Variants in DUS1L observed in about 807,000 individuals in gnomAD.
DUS1L encodes the protein tRNA-dihydrouridine(16/17) synthase [NAD(P)(+)]-like.
A neutral mutation model predicts 61.2 loss-of-function variants in DUS1L; 56 were observed. The observed-to-expected ratio is 0.92, with a 90% CI of 0.74 to 1.14. DUS1L has a LOEUF of 1.14. Ranked by LOEUF, DUS1L falls within the 50% of genes most tolerant of loss-of-function variation. The pLI is 0.00. For missense variants in DUS1L, 630 were observed against 632.4 expected (o/e 1.00, Z 0.04); for synonymous variants, 278 against 259.5 (o/e 1.07, Z -0.69).
At position 82,062,846 on chromosome 17, in the gene DUS1L, G is replaced by T; in HGVS notation, c.510+15C>A. On this transcript the variant is annotated intron_variant, in intron 5 of 13. Transcript: ENST00000306796. The stretch of plus-strand genomic sequence containing the variant: ...CAGCTGAGGCCCATGACACCCCCGC[G>T]AGCCCAGGGCTCACCTGGCAGCCGG... 1 of 1,607,634 alleles carries T rather than the reference G, an allele frequency of 6.2e-7. No individual in the cohort carries two copies.
intron 2 of DUS1L, among the ~76,000 whole-genome samples, chr17:82,064,606 G>A (rs533998741): frequency 6.6e-6 from 1 of 152,326 alleles, no homozygotes; most frequent in Non-Finnish European, 1.5e-5. Flanking sequence ...TTGGATTCTG[G>A]CAGGTGCACC....
At chr17:82,062,302 G>A (rs1354037439) in intron 5 of DUS1L, among the ~76,000 whole-genome samples, 3 of 152,226 alleles carry the variant, frequency 2.0e-5, no homozygotes, top group Non-Finnish European at 4.4e-5. Flanking sequence ...GGCCAAAGGT[G>A]TGGGAGGGAC....
Position 82,057,516 on chromosome 17 carries a change from G to C in DUS1L, c.*599C>G, listed in dbSNP as rs1412525319. ...GCCGTGCAGGCTCTGGTCACCCCTGGGTGGCCTTGGGTTCCTGAGGGCTGT... is the reference window on the plus strand; with the variant it reads ...GCCGTGCAGGCTCTGGTCACCCCTGCGTGGCCTTGGGTTCCTGAGGGCTGT... On this transcript the variant is annotated 3_prime_UTR_variant, in exon 14 of 14. Coordinates refer to ENST00000306796, the MANE Select transcript of DUS1L (RefSeq NM_022156.5). The C allele has an allele frequency of 5.6e-6, 2 of 356,062 alleles. No homozygotes were observed. Among genetic ancestry groups the C allele is most frequent in the Admixed American group, 8.2e-5 (2 of 24,372 alleles). The allele number at this position is 356,062 out of a possible 1,614,324, so 22.1% of individuals were successfully genotyped here.
chr17:82,063,486 C>G lies in DUS1L; in HGVS notation c.379G>C (p.Asp127His), dbSNP rs1434826629. Reference protein sequence around the residue: ...HYGAFLQDEWDLLQRMILLAH... With the variant: ...HYGAFLQDEWHLLQRMILLAH... ...AACTCACTCATTCTTTGGAGCAGGT[C>G]CCACTCGTCCTGCAGAAAGGCGCCA... The change falls in exon 4 of 14, where the codon GAC becomes CAC. Residue 127 changes from aspartate (D) to histidine (H), a missense_variant. Physicochemically the swap from Asp to His is moderately conservative, Grantham distance 81. Coordinates refer to ENST00000306796, the MANE Select transcript of DUS1L (RefSeq NM_022156.5). 1.2e-5 allele frequency: 20 copies of G among 1,613,636 alleles called. No homozygotes were observed. The highest frequency in any genetic ancestry group is 1.3e-5 in the African/African-American group (1 of 74,934).
rs748105874 is a variant in DUS1L, at chr17:82,062,890, C to T, written c.481G>A (p.Ala161Thr). 4.3e-6 allele frequency: 7 copies of T among 1,612,770 alleles called. No homozygotes were observed. The highest frequency in any genetic ancestry group is 1.1e-5 in the South Asian group (1 of 91,084). ...CAGCCGGCCTTCTCCAGCATCTGGG[C>T]GTACCTCACGGTCTTGTCAATCTCC... ...FPEIDKTVRY[A>T]QMLEKAGCQL... The change falls in exon 5 of 14, where the codon GCC becomes ACC. Residue 161 changes from alanine to threonine, a missense_variant. Ala to Thr is a moderately conservative substitution (Grantham distance 58). Coordinates refer to ENST00000306796, the MANE Select transcript of DUS1L (RefSeq NM_022156.5).
At chr17:82,060,292 A>G in intron 10 of DUS1L, 199 bp from the exon 11 acceptor site, 1 of 681,676 alleles carries the variant, frequency 1.5e-6, no homozygotes, top group Non-Finnish European at 2.4e-6. Flanking sequence ...TGGAGTCCGC[A>G]GCTCGGGCAG....
intron 11 of DUS1L, chr17:82,059,359 G>A (rs2033329040): frequency 5.8e-6 from 1 of 171,804 alleles, no homozygotes; most frequent in South Asian, 1.5e-4. Flanking sequence ...GGTTACATGG[G>A]AAGGTTTCAG....
chr17:82,058,756 T>G, intron 12 of DUS1L, 25 bp downstream of exon 12: 1 of 1,613,160 alleles, frequency 6.2e-7, no homozygotes, highest in Non-Finnish European at 8.5e-7. Context: ...GAAGCCTTGG[T>G]GGCTTGCAGC....
Position 82,058,238 on chromosome 17 carries a change from A to G in DUS1L, c.1299T>C (p.Phe433=), listed in dbSNP as rs894630742. The G allele has an allele frequency of 6.3e-7, 1 of 1,583,746 alleles. No homozygotes were observed. Among genetic ancestry groups the G allele is most frequent in the East Asian group, 2.3e-5 (1 of 43,686 alleles). Residue 433 remains phenylalanine, a synonymous_variant, in exon 14 of 14, where the codon TTT becomes TTC. Transcript: ENST00000306796. ...TADCPGHGLL[F]KTKLEKSLAW... ...CCAGAGACTTCTCCAATTTGGTTTT[A>G]AAAAGCAATCCGTGACCTGGCAGAG...
Position 82,059,968 on chromosome 17 carries a change from G to A in DUS1L, c.1148C>T (p.Thr383Ile), listed in dbSNP as rs2033394140. The part of the protein sequence containing the change: ...QKKQLRNPHK[T>I]FDPSLKPKYA... ...CTTACGCTTCAGAGAGGGGTCGAAG[G>A]TCTTGTGGGGGTTCCTCAGCTGCTT... The change falls in exon 11 of 14, where the codon ACC (threonine) becomes ATC (isoleucine). Residue 383 changes from threonine (T) to isoleucine (I), a missense_variant. Coordinates refer to ENST00000306796, the MANE Select transcript of DUS1L (RefSeq NM_022156.5). 1.2e-6 allele frequency: 2 copies of A among 1,613,994 alleles called. No individual in the cohort carries two copies. The highest frequency in any genetic ancestry group is 1.7e-4 in the Middle Eastern group (1 of 6,060).
intron 12 of DUS1L, 122 bp downstream of exon 12, chr17:82,058,659 C>T (rs1335895710): frequency 1.9e-6 from 3 of 1,559,314 alleles, no homozygotes; most frequent in Non-Finnish European, 2.6e-6. Flanking sequence ...TCCATGCCAC[C>T]TTGAGCCACG....
intron 6 of DUS1L, 53 bp downstream of exon 6, chr17:82,061,848 G>T: frequency 1.3e-6 from 2 of 1,586,836 alleles, no homozygotes; most frequent in Non-Finnish European, 1.7e-6. Flanking sequence ...GTGGAGCTGG[G>T]ACCCCCAGCA....
At chr17:82,065,114 G>T in intron 1 of DUS1L, 45 bp from the exon 2 acceptor site, 1 of 1,515,764 alleles carries the variant, frequency 6.6e-7, no homozygotes, top group Non-Finnish European at 8.9e-7. Context: ...GCCCAACGAG[G>T]GGCTTAAGAC....
chr17:82,059,110 G>A (rs184751787), intron 11 of DUS1L: 1 of 452,038 alleles, frequency 2.2e-6, no homozygotes, highest in East Asian at 3.7e-5. Context: ...CCCCCAGGCA[G>A]GGACAAGGGG....
At chr17:82,063,257 G>C (rs1209625161) in intron 4 of DUS1L, 10 of 679,574 alleles carry the variant, frequency 1.5e-5, no homozygotes, top group Non-Finnish European at 2.5e-5. Context: ...GGCACCTACT[G>C]TCTGGTTTTA....
At chr17:82,059,108 CA>C (rs1480608543) in intron 11 of DUS1L, 6 of 464,360 alleles carry the variant, frequency 1.3e-5, no homozygotes, top group Non-Finnish European at 2.4e-5. Flanking sequence ...TACCCCCAGG[CA>C]GGGACAAGGG....
chr17:82,061,955 TC>T lies in DUS1L; in HGVS notation c.538del (p.Glu180SerfsTer51). Reference sequence around the variant, plus strand: ...TGCACCCGACAGGGGCCCCTTCTGCTCCTTGGTGCGTCCGTGCACCGTCAGC... The same window carrying T: ...TGCACCCGACAGGGGCCCCTTCTGCTCTTGGTGCGTCCGTGCACCGTCAGC... ...QLLTVHGRTK[E>X]QKGPLSGAAS... On this transcript the variant is annotated frameshift_variant, in exon 6 of 14. Transcript: ENST00000306796. LOFTEE classifies it high-confidence loss of function. 6.2e-7 allele frequency: 1 copy of T among 1,610,146 alleles called. No homozygotes were observed. Among genetic ancestry groups the T allele is most frequent in the Non-Finnish European group, 8.5e-7 (1 of 1,178,606 alleles).
At chr17:82,063,637 G>A (rs960320837) in intron 3 of DUS1L, 119 bp from the exon 4 acceptor site, 8 of 1,244,436 alleles carry the variant, frequency 6.4e-6, no homozygotes, top group African/African-American at 3.0e-5. Context: ...CCTGTCAGGC[G>A]GGACACAGGT....
Position 82,061,368 on chromosome 17 carries a change from G to T in DUS1L, c.698-15C>A. The T allele has an allele frequency of 6.4e-7, 1 of 1,560,220 alleles. No homozygotes were observed. Among genetic ancestry groups the T allele is most frequent in the East Asian group, 2.3e-5 (1 of 44,156 alleles). ...CAGGTTGCCCTCTGTGGGAGGAGGA[G>T]CGGGGAAGGACACCTCGTGGGTTGC... On this transcript the variant is annotated splice_polypyrimidine_tract_variant and intron_variant, in intron 7 of 13. Transcript: ENST00000306796.
Sources: allele counts gnomAD v4.1 joint callset (sites outside exome capture counted in the v4.1 genomes callset), GRCh38; gene constraint gnomAD v4.1.1; transcripts MANE v1.5; gene names NCBI Gene and HGNC (gene_info 2026-07-23, HGNC 2026-07-21).